Variants in PARD3 observed in about 807,000 individuals in gnomAD.
PARD3 encodes the protein par-3 family cell polarity regulator, also known as partitioning defective 3 homolog.
A neutral mutation model predicts 155.4 loss-of-function variants in PARD3; 75 were observed. The ratio of observed to expected loss-of-function variants is 0.48; its 90% CI spans 0.40 to 0.58. The LOEUF (loss-of-function observed/expected upper bound fraction) is 0.58, where lower values mean the gene tolerates loss of function less well. Ranked by LOEUF, PARD3 falls within the 20% of genes least tolerant of loss-of-function variation. The pLI is 0.00. For synonymous variants in PARD3, 576 were observed against 610.5 expected, an observed-to-expected ratio of 0.94 and a Z score of 0.83; for missense variants, 1,642 against 1,721.7, an observed-to-expected ratio of 0.95 and a Z score of 0.82.
intron 2 of PARD3, among the ~76,000 whole-genome samples, chr10:34,524,505 T>C (rs1319516455): frequency 2.6e-5 from 4 of 152,138 alleles, no homozygotes; most frequent in Admixed American, 2.0e-4. Flanking sequence ...TCAGACTAAT[T>C]AGATTCCCAG....
chr10:34,784,969 C>T (rs1840761166), intron 1 of PARD3, among the ~76,000 whole-genome samples: 1 of 152,176 alleles, frequency 6.6e-6, no homozygotes, highest in African/African-American at 2.4e-5. Flanking sequence ...AATCTCATCA[C>T]TAAGTTTCCT....
At chr10:34,600,949 G>A (rs375235995) in intron 2 of PARD3, among the ~76,000 whole-genome samples, 30 of 141,064 alleles carry the variant, frequency 2.1e-4, no homozygotes, top group African/African-American at 7.4e-4. Flanking sequence ...CACCATGCCC[G>A]CCCATTTTTT....
intron 23 of PARD3, among the ~76,000 whole-genome samples, chr10:34,127,091 A>G (rs1339233349): frequency 6.6e-6 from 1 of 152,242 alleles, no homozygotes; most frequent in African/African-American, 2.4e-5. Context: ...TAACATAGAA[A>G]TGCATTCCAG....
At chr10:34,688,768 G>A (rs1359086915) in intron 2 of PARD3, among the ~76,000 whole-genome samples, 1 of 152,138 alleles carries the variant, frequency 6.6e-6, no homozygotes, top group Non-Finnish European at 1.5e-5. Context: ...ATAATTAAAG[G>A]ATAATGAGGA....
At chr10:34,651,557 C>A (rs1001263944) in intron 2 of PARD3, among the ~76,000 whole-genome samples, 1 of 152,196 alleles carries the variant, frequency 6.6e-6, no homozygotes, top group Non-Finnish European at 1.5e-5. Flanking sequence ...CAACCGCAGT[C>A]CCTGAAGAGG....
intron 3 of PARD3, among the ~76,000 whole-genome samples, chr10:34,477,533 G>A (rs1448550455): frequency 6.6e-6 from 1 of 152,154 alleles, no homozygotes; most frequent in Non-Finnish European, 1.5e-5. Context: ...AAATATTGAT[G>A]TCTCTCTCTA....
intron 2 of PARD3, among the ~76,000 whole-genome samples, chr10:34,553,639 G>T (rs142694431): frequency 6.6e-6 from 1 of 152,264 alleles, no homozygotes; most frequent in African/African-American, 2.4e-5. Flanking sequence ...AACTCGGGAT[G>T]AAAACAGAAG....
intron 22 of PARD3, among the ~76,000 whole-genome samples, chr10:34,150,078 C>T (rs1236224509): frequency 6.6e-6 from 1 of 152,182 alleles, no homozygotes; most frequent in East Asian, 1.9e-4. Context: ...ATATAAAGCA[C>T]AGAGTTTCTT....
chr10:34,312,612 T>G (rs555583237), intron 20 of PARD3, among the ~76,000 whole-genome samples: 12 of 152,344 alleles, frequency 7.9e-5, no homozygotes, highest in Non-Finnish European at 1.3e-4. Context: ...AATTATCTAT[T>G]TCCTCTTCAA....
In PARD3 at chr10:34,390,175, G is replaced by C. The variant is rs1842751987; in HGVS notation, c.891-5921C>G. ...TCAAGAGCATATTTATTCTCAGCTA[G>C]TTTGTGAAGCTCAAATTGACTGTAA... On this transcript the variant is annotated intron_variant, in intron 7 of 24. Transcript: ENST00000374788. Among the ~76,000 whole-genome samples, 3 of 152,174 alleles carry C rather than the reference G, an allele frequency of 2.0e-5. No homozygotes were observed. In the South Asian group the frequency reaches 6.2e-4, roughly 32 times the overall value.
chr10:34,657,579 C>T (rs2093208306), intron 2 of PARD3, among the ~76,000 whole-genome samples: 1 of 152,018 alleles, frequency 6.6e-6, no homozygotes, highest in African/African-American at 2.4e-5. Flanking sequence ...TGTTCTGTTG[C>T]CCAGACTGGA....
rs2092866000 is a variant in PARD3, at chr10:34,647,178, TC to T, written c.222+49139del. 3.3e-5 allele frequency among the ~76,000 whole-genome samples: 5 copies of T among 152,344 alleles called. 1 individual carries two copies. Among genetic ancestry groups the T allele is most frequent in the African/African-American group, 1.2e-4 (5 of 41,574 alleles). ...CACGTTTTGAAGATCCATCCATTAT[TC>T]ATCCCTTCCTGTGAATAACCTCACA... On this transcript the variant is annotated intron_variant, in intron 2 of 24. Coordinates refer to ENST00000374788, the MANE Select transcript of PARD3 (RefSeq NM_001184785.2).
At chr10:34,588,016 G>A (rs181266187) in intron 2 of PARD3, among the ~76,000 whole-genome samples, 234 of 152,258 alleles carry the variant, frequency 1.5e-3, no homozygotes, top group African/African-American at 5.1e-3. Flanking sequence ...CTAAGATGAA[G>A]CAGGGACCCC....
chr10:34,200,026 T>C (rs1299811110), intron 22 of PARD3, among the ~76,000 whole-genome samples: 1 of 152,190 alleles, frequency 6.6e-6, no homozygotes, highest in African/African-American at 2.4e-5. Context: ...GTGAAGATCA[T>C]GGTCAAAGAA....
At chr10:34,695,330 C>T (rs1457292901) in intron 2 of PARD3, among the ~76,000 whole-genome samples, 1 of 151,994 alleles carries the variant, frequency 6.6e-6, no homozygotes, top group Non-Finnish European at 1.5e-5. Context: ...CAAAAATTAG[C>T]CAGGCGTGGT....
At chr10:34,344,846 TG>T (rs1308119027) in intron 15 of PARD3, 9 of 985,296 alleles carry the variant, frequency 9.1e-6, no homozygotes, top group Admixed American at 6.1e-5. Context: ...AAGAAAAACA[TG>T]CATCCAAATT....
At chr10:34,242,878 T>C (rs1953698517) in intron 22 of PARD3, among the ~76,000 whole-genome samples, 1 of 152,162 alleles carries the variant, frequency 6.6e-6, no homozygotes, top group Admixed American at 6.5e-5. Context: ...GAGGTTGTAG[T>C]GAGCTGAGAT....
chr10:34,581,519 C>T (rs1282493659), intron 2 of PARD3, among the ~76,000 whole-genome samples: 1 of 152,118 alleles, frequency 6.6e-6, no homozygotes, highest in African/African-American at 2.4e-5. Flanking sequence ...CAGGCGTGAG[C>T]CACCGCGCCC....
chr10:34,455,890 A>C (rs1205119805), intron 4 of PARD3, among the ~76,000 whole-genome samples: 1 of 152,194 alleles, frequency 6.6e-6, no homozygotes, highest in Admixed American at 6.5e-5. Flanking sequence ...TGTAGAACTG[A>C]GGCCAAGTAA....
Sources: allele counts gnomAD v4.1 joint callset (sites outside exome capture counted in the v4.1 genomes callset), GRCh38; gene constraint gnomAD v4.1.1; transcripts MANE v1.5; gene names NCBI Gene and HGNC (gene_info 2026-07-23, HGNC 2026-07-21).